Variants in ASIC2 observed in about 807,000 individuals in gnomAD.
ASIC2 encodes acid-sensing ion channel 2.
In ASIC2, 25 loss-of-function variants were observed where a neutral mutation model predicts 57.3. That is an observed-to-expected ratio of 0.44 (90% CI 0.32 to 0.61). The LOEUF is 0.61. ASIC2 is among the 20% of genes least tolerant of loss of function. ASIC2 has a pLI of 0.06. For synonymous variants in ASIC2, 319 were observed against 307.5 expected, an observed-to-expected ratio of 1.04 and a Z score of -0.39; for missense variants, 641 against 738.1, an observed-to-expected ratio of 0.87 and a Z score of 1.52.
At position 33,781,279 on chromosome 17, in the gene ASIC2, C is replaced by T. The variant is rs920061205; in HGVS notation, c.555+374699G>A. ...GGCCACTGGACCATGCTAAAGAGCC[C>T]GAGACGCCTCTCCACAGCATTTCTG... On this transcript the variant is annotated intron_variant, in intron 1 of 9. Coordinates refer to the ASIC2 transcript ENST00000359872. Among the ~76,000 whole-genome samples the T allele has an allele frequency of 7.9e-5, 12 of 152,184 alleles. No individual in the cohort carries two copies. The South Asian group carries it at 8.3e-4, about 11-fold the overall frequency.
At chr17:33,117,519 C>T (rs1371503563) in intron 1 of ASIC2, among the ~76,000 whole-genome samples, 2 of 152,118 alleles carry the variant, frequency 1.3e-5, no homozygotes, top group Non-Finnish European at 2.9e-5. Flanking sequence ...GAAGTAGAGG[C>T]ATTTTATATT....
chr17:33,120,673 C>A (rs1377548542), intron 1 of ASIC2, among the ~76,000 whole-genome samples: 3 of 152,160 alleles, frequency 2.0e-5, no homozygotes, highest in African/African-American at 7.2e-5. Flanking sequence ...CACAGCTTGG[C>A]TGGTTGGGGG....
At chr17:33,164,176 C>A (rs1905239922) in intron 1 of ASIC2, among the ~76,000 whole-genome samples, 1 of 152,208 alleles carries the variant, frequency 6.6e-6, no homozygotes, top group South Asian at 2.1e-4. Flanking sequence ...CTGGCCCAGG[C>A]CTGTCCAAGC....
At chr17:33,557,868 C>T (rs1428197736) in intron 1 of ASIC2, among the ~76,000 whole-genome samples, 5 of 152,308 alleles carry the variant, frequency 3.3e-5, no homozygotes, top group African/African-American at 7.2e-5. Context: ...CATAATCTAT[C>T]ATCATTATCT....
intron 1 of ASIC2, among the ~76,000 whole-genome samples, chr17:33,975,064 T>G (rs2142000586): frequency 6.6e-6 from 1 of 152,334 alleles, no homozygotes; most frequent in African/African-American, 2.4e-5. Flanking sequence ...ATATTGCCAG[T>G]GCTCAGGATA....
intron 1 of ASIC2, among the ~76,000 whole-genome samples, chr17:33,367,186 A>G (rs1452765936): frequency 6.6e-6 from 1 of 152,184 alleles, no homozygotes; most frequent in East Asian, 1.9e-4. Flanking sequence ...TTCTATTAGG[A>G]AGTAGATTCT....
intron 1 of ASIC2, among the ~76,000 whole-genome samples, chr17:34,077,353 T>C (rs992120690): frequency 4.6e-5 from 7 of 152,324 alleles, no homozygotes; most frequent in South Asian, 2.1e-4. Flanking sequence ...GCTGCGCTCA[T>C]GGTCCTTGTG....
chr17:33,766,413 T>C (rs552531225), intron 1 of ASIC2, among the ~76,000 whole-genome samples: 2 of 152,316 alleles, frequency 1.3e-5, no homozygotes, highest in South Asian at 4.1e-4. Context: ...CCAAGTGGTT[T>C]CCTTGAAGCC....
intron 1 of ASIC2, among the ~76,000 whole-genome samples, chr17:33,769,339 C>T (rs555515751): frequency 1.3e-5 from 2 of 152,180 alleles, no homozygotes; most frequent in African/African-American, 4.8e-5. Flanking sequence ...GGAGCTTGCT[C>T]CTGTGTCAGC....
At position 33,163,310 on chromosome 17, in the gene ASIC2, G is replaced by A. The variant is rs188589917; in HGVS notation, c.709-51243C>T. 9.2e-5 allele frequency among the ~76,000 whole-genome samples: 14 copies of A among 152,210 alleles called. No individual in the cohort carries two copies. In the East Asian group the frequency reaches 2.3e-3, roughly 25 times the overall value. On this transcript the variant is annotated intron_variant, in intron 1 of 9. Coordinates refer to ENST00000225823, the MANE Select transcript of ASIC2 (RefSeq NM_183377.2). ...TCTCCTGTTAGCTTCTGTCCTAGAG[G>A]TGGCCTCACTTCCTGCAGAGTGACT... is the stretch of plus-strand genomic sequence containing the variant.
rs371599455 is a variant in ASIC2, at chr17:33,021,350, A to G, written c.1350-40T>C. ...GTCAGTACCATACATGGTTAGAGCTATCAGCATTCACAGGGAGCATCTAAT... is the reference window on the plus strand; with the variant it reads ...GTCAGTACCATACATGGTTAGAGCTGTCAGCATTCACAGGGAGCATCTAAT... On this transcript the variant is annotated intron_variant, in intron 6 of 9. Coordinates refer to ENST00000225823, the MANE Select transcript of ASIC2 (RefSeq NM_183377.2). The G allele has an allele frequency of 3.4e-6, 5 of 1,485,630 alleles. No homozygotes were observed. In the African/African-American group the frequency reaches 6.9e-5, roughly 21 times the overall value. 92.0% of individuals were successfully genotyped at this position (1,485,630 alleles called of 1,614,324 possible).
intron 1 of ASIC2, among the ~76,000 whole-genome samples, chr17:33,148,209 CT>C (rs1251677235): frequency 3.3e-5 from 5 of 152,206 alleles, no homozygotes; most frequent in Admixed American, 3.3e-4. Context: ...AGACTTTATG[CT>C]TTTAGTGAAT....
At chr17:33,299,087 T>G (rs974017773) in intron 1 of ASIC2, among the ~76,000 whole-genome samples, 6 of 152,210 alleles carry the variant, frequency 3.9e-5, no homozygotes, top group Non-Finnish European at 7.3e-5. Context: ...TGGAAAAAAC[T>G]ACTTTAAAGT....
At chr17:33,942,314 C>G (rs1340291536) in intron 1 of ASIC2, among the ~76,000 whole-genome samples, 1 of 152,110 alleles carries the variant, frequency 6.6e-6, no homozygotes, top group Non-Finnish European at 1.5e-5. Flanking sequence ...CTCAACCCCT[C>G]CTAGGCCCAA....
At chr17:33,218,864 C>T (rs1162455656) in intron 1 of ASIC2, among the ~76,000 whole-genome samples, 1 of 152,128 alleles carries the variant, frequency 6.6e-6, no homozygotes, top group Non-Finnish European at 1.5e-5. Flanking sequence ...ACAGTGATAA[C>T]AGGGCGGGGG....
chr17:33,147,354 C>G (rs972010830), intron 1 of ASIC2, among the ~76,000 whole-genome samples: 1 of 151,980 alleles, frequency 6.6e-6, no homozygotes, highest in Non-Finnish European at 1.5e-5. Context: ...AGCCAATGTC[C>G]AAAAAAGAGA....
chr17:33,984,140 A>G (rs1905727492), intron 1 of ASIC2: 2 of 152,220 alleles, frequency 1.3e-5, no homozygotes, highest in East Asian at 3.9e-4. Context: ...AATCATATTC[A>G]CTGAGGATTA....
At chr17:33,439,413 T>G (rs1293766063) in intron 1 of ASIC2, among the ~76,000 whole-genome samples, 2 of 152,074 alleles carry the variant, frequency 1.3e-5, no homozygotes, top group Non-Finnish European at 2.9e-5. Flanking sequence ...TGAAACAGTG[T>G]AGGGGGAAGG....
At chr17:33,728,836 G>A (rs1231458075) in intron 1 of ASIC2, among the ~76,000 whole-genome samples, 6 of 152,142 alleles carry the variant, frequency 3.9e-5, no homozygotes, top group African/African-American at 7.2e-5. Context: ...AACAGCATCC[G>A]TATCTACAGA....
Sources: allele counts gnomAD v4.1 joint callset (sites outside exome capture counted in the v4.1 genomes callset), GRCh38; gene constraint gnomAD v4.1.1; transcripts MANE v1.5; gene names NCBI Gene and HGNC (gene_info 2026-07-23, HGNC 2026-07-21).